TENM3: variants seen among roughly 807,000 people sequenced by gnomAD.
TENM3 encodes teneurin transmembrane protein 3.
In TENM3, 63 loss-of-function variants were observed where a neutral mutation model predicts 255.1. The observed-to-expected ratio is 0.25, with a 90% CI of 0.20 to 0.30. TENM3 has a LOEUF of 0.30. Ranked by LOEUF, TENM3 falls within the 10% of genes least tolerant of loss-of-function variation. The pLI is 1.00. For missense variants in TENM3, 2,929 were observed against 3,461.1 expected (o/e 0.85, Z 3.86); for synonymous variants, 1,306 against 1,322.3 (o/e 0.99, Z 0.27).
chr4:182,159,447 A>AGTGTGTGTGTGTGT (rs67981646), intron 1 of TENM3, among the ~76,000 whole-genome samples: 6 of 130,722 alleles, frequency 4.6e-5, no homozygotes, highest in Admixed American at 3.3e-4. Context: ...AGTGTGTATG[A>AGTGTGTGTGTGTGT]GTGTGTGTGT....
chr4:182,464,253 A>G (rs1732365705), intron 3 of TENM3, among the ~76,000 whole-genome samples: 1 of 152,124 alleles, frequency 6.6e-6, no homozygotes, highest in Non-Finnish European at 1.5e-5. Context: ...ACATTAAAAA[A>G]TTATACAGTA....
the TENM3 span, among the ~76,000 whole-genome samples, chr4:181,716,578 C>T: frequency 2.0e-5 from 3 of 152,122 alleles, no homozygotes; most frequent in Non-Finnish European, 4.4e-5. Flanking sequence ...TAGCTATGTA[C>T]CTTGGACTAT....
At chr4:181,553,567 G>A in the TENM3 span, among the ~76,000 whole-genome samples, 315 of 151,740 alleles carry the variant, frequency 2.1e-3, no homozygotes, top group African/African-American at 7.3e-3. Context: ...TCAGCCTCCC[G>A]AGTAGCTGGG....
the TENM3 span, among the ~76,000 whole-genome samples, chr4:181,737,449 G>T: frequency 6.6e-6 from 1 of 152,040 alleles, no homozygotes; most frequent in East Asian, 1.9e-4. Flanking sequence ...AGGCTCATAG[G>T]AACTGACAAG....
At chr4:182,575,653 A>G (rs187009611) in intron 3 of TENM3, among the ~76,000 whole-genome samples, 24 of 152,306 alleles carry the variant, frequency 1.6e-4, no homozygotes, top group African/African-American at 5.3e-4. Flanking sequence ...CTTAACTTGT[A>G]TATTTATACA....
the TENM3 span, among the ~76,000 whole-genome samples, chr4:182,097,738 G>A: frequency 1.3e-5 from 2 of 152,204 alleles, no homozygotes; most frequent in Non-Finnish European, 2.9e-5. Flanking sequence ...CACTTACTGA[G>A]TGTTTACTTA....
chr4:182,002,874 C>G, the TENM3 span, among the ~76,000 whole-genome samples: 1 of 152,044 alleles, frequency 6.6e-6, no homozygotes, highest in African/African-American at 2.4e-5. Flanking sequence ...ATACCTTTAC[C>G]TTATGTCCTA....
intron 6 of TENM3, among the ~76,000 whole-genome samples, chr4:182,669,205 A>G (rs535732970): frequency 1.3e-5 from 2 of 152,246 alleles, no homozygotes; most frequent in Admixed American, 1.3e-4. Flanking sequence ...AAAGACAAAA[A>G]CTTATGAGGA....
At chr4:182,579,019 T>C (rs1745221228) in intron 3 of TENM3, among the ~76,000 whole-genome samples, 1 of 152,240 alleles carries the variant, frequency 6.6e-6, no homozygotes, top group South Asian at 2.1e-4. Flanking sequence ...CTGAGATTTG[T>C]GTTCTCGCTG....
rs530939395 is a variant in TENM3 at position 182,481,530 on chromosome 4, C to T, written c.512-119394C>T. Among the ~76,000 whole-genome samples, 723 of 152,218 alleles carry T rather than the reference C, an allele frequency of 4.7e-3. 5 individuals carry two copies. The highest frequency in any genetic ancestry group is 8.5e-3 in the Non-Finnish European group (580 of 68,024). On this transcript the variant is annotated intron_variant, in intron 3 of 27. Coordinates refer to ENST00000511685, the MANE Select transcript of TENM3 (RefSeq NM_001080477.4). ...TGATTATAGGCCGGGCACGGTGGCT[C>T]ACACCTGTAATCCCAGCACTTTGGG...
At chr4:181,471,856 C>A in the TENM3 span, among the ~76,000 whole-genome samples, 1 of 152,074 alleles carries the variant, frequency 6.6e-6, no homozygotes, top group Non-Finnish European at 1.5e-5. Context: ...CCCAAAGACC[C>A]AGAAATAGTT....
chr4:181,617,054 A>G, the TENM3 span, among the ~76,000 whole-genome samples: 1 of 152,102 alleles, frequency 6.6e-6, no homozygotes, highest in African/African-American at 2.4e-5. Flanking sequence ...CTATATTCCC[A>G]TCATCTTGCT....
chr4:181,908,421 T>C, the TENM3 span, among the ~76,000 whole-genome samples: 2 of 152,206 alleles, frequency 1.3e-5, no homozygotes, highest in African/African-American at 4.8e-5. Context: ...TACACTGTGC[T>C]CATGCAATCA....
chr4:182,226,599 C>T (rs1417237832), intron 1 of TENM3, among the ~76,000 whole-genome samples: 1 of 152,098 alleles, frequency 6.6e-6, no homozygotes, highest in Non-Finnish European at 1.5e-5. Context: ...CATCAAGCTC[C>T]TCTTGGTGTC....
At chr4:181,887,622 C>T in the TENM3 span, among the ~76,000 whole-genome samples, 6 of 152,306 alleles carry the variant, frequency 3.9e-5, no homozygotes, top group South Asian at 1.0e-3. Context: ...CTTCTTCCGA[C>T]ATTCTTCACG....
At chr4:182,003,611 TTTG>T in the TENM3 span, among the ~76,000 whole-genome samples, 7 of 152,148 alleles carry the variant, frequency 4.6e-5, no homozygotes, top group African/African-American at 1.7e-4. Context: ...TGATATTGAC[TTTG>T]TTTTCTTGTT....
chr4:182,302,000 T>C (rs566184163), intron 1 of TENM3, among the ~76,000 whole-genome samples: 143 of 152,298 alleles, frequency 9.4e-4, no homozygotes, highest in Non-Finnish European at 1.6e-3. Flanking sequence ...CTAAAAGGAC[T>C]CACTTGACTA....
the TENM3 span, among the ~76,000 whole-genome samples, chr4:181,917,113 T>A: frequency 2.0e-5 from 3 of 152,212 alleles, no homozygotes; most frequent in Admixed American, 1.3e-4. Context: ...GCACCTACTA[T>A]GTGCCTGGCG....
intron 5 of TENM3, among the ~76,000 whole-genome samples, chr4:182,652,381 G>A (rs551315112): frequency 2.2e-4 from 33 of 152,180 alleles, no homozygotes; most frequent in African/African-American, 7.5e-4. Context: ...CAAATAGTTC[G>A]GTAACCTGGA....
Sources: allele counts gnomAD v4.1 joint callset (sites outside exome capture counted in the v4.1 genomes callset), GRCh38; gene constraint gnomAD v4.1.1; transcripts MANE v1.5; gene names NCBI Gene and HGNC (gene_info 2026-07-23, HGNC 2026-07-21).